The following LRRC69 variants were observed in gnomAD, a reference collection of about 807,000 sequenced individuals.
LRRC69 encodes the protein leucine rich repeat containing 69, also known as leucine-rich repeat-containing protein 69.
Under a neutral mutation model 37.8 loss-of-function variants are expected in LRRC69, and 42 were observed. The ratio of observed to expected loss-of-function variants is 1.11; its 90% CI spans 0.87 to 1.44. The LOEUF (loss-of-function observed/expected upper bound fraction) is 1.44. Ranked by LOEUF, LRRC69 falls within the 40% of genes most tolerant of loss-of-function variation. The pLI, the probability that LRRC69 is intolerant of heterozygous loss-of-function variation, is 0.00. For missense variants in LRRC69, 357 were observed against 401.9 expected, an observed-to-expected ratio of 0.89 and a Z score of 0.96; for synonymous variants, 141 against 143.1, an observed-to-expected ratio of 0.99 and a Z score of 0.11.
At chr8:91,158,485 C>A in intron 5 of LRRC69, 2 of 1,143,224 alleles carry the variant, frequency 1.7e-6, no homozygotes, top group Non-Finnish European at 1.3e-6. Context: ...ACCCACAAGG[C>A]CTCACAATGC....
intron 5 of LRRC69, among the ~76,000 whole-genome samples, chr8:91,179,690 ATAT>A (rs1259446043): frequency 1.3e-5 from 2 of 152,202 alleles, no homozygotes; most frequent in Admixed American, 6.5e-5. Flanking sequence ...TTATTGATAA[ATAT>A]TATTTTTTGG....
At chr8:91,164,201 G>C (rs1808991545) in intron 5 of LRRC69, among the ~76,000 whole-genome samples, 1 of 151,500 alleles carries the variant, frequency 6.6e-6, no homozygotes, top group East Asian at 1.9e-4. Context: ...TTGTAAATTG[G>C]GATTGTGGAG....
chr8:91,190,626 T>G (rs541329938), intron 6 of LRRC69, among the ~76,000 whole-genome samples: 4 of 152,230 alleles, frequency 2.6e-5, no homozygotes, highest in Non-Finnish European at 5.9e-5. Context: ...CAAAACAAAA[T>G]AAAACCAGAC....
intron 5 of LRRC69, among the ~76,000 whole-genome samples, chr8:91,143,140 T>A (rs988759810): frequency 5.3e-5 from 8 of 152,208 alleles, no homozygotes; most frequent in African/African-American, 1.4e-4. Flanking sequence ...CATTTATTCA[T>A]CAGCCAATCT....
At position 91,189,638 on chromosome 8, in the gene LRRC69, C is replaced by T. The variant is rs1242318272; in HGVS notation, c.753+15C>T. 1.4e-6 allele frequency: 2 copies of T among 1,469,536 alleles called. No individual in the cohort carries two copies. The highest frequency in any genetic ancestry group is 2.6e-5 in the South Asian group (2 of 77,646). The allele number at this position is 1,469,536 out of a possible 1,614,324, so 91.0% of individuals were successfully genotyped here. ...GGAGTCTACAGGTGAAGACTTACCT[C>T]ATTAACTTAAGTCTTCAAACTAAAG... On this transcript the variant is annotated intron_variant, in intron 6 of 7. Transcript: ENST00000448384.
Position 91,200,793 on chromosome 8 carries a change from G to A in LRRC69, c.933+1G>A, listed in dbSNP as rs916838784. 11 of 1,527,482 alleles carry A rather than the reference G, an allele frequency of 7.2e-6. No homozygotes were observed. The African/African-American group carries it at 1.5e-4, about 21-fold the overall frequency. 94.6% of individuals were successfully genotyped at this position (1,527,482 alleles called of 1,614,324 possible). A position where few individuals can be genotyped will look rare whatever the true frequency, so the allele number is the denominator to read the frequency against. Reference sequence around the variant, plus strand: ...TGTTCGATTTGTTCCTCCACCAAAGGTAAATGATGCTTTTTATGCGAATAT... The same window carrying A: ...TGTTCGATTTGTTCCTCCACCAAAGATAAATGATGCTTTTTATGCGAATAT... On this transcript the variant is annotated splice_donor_variant, in intron 7 of 7. Transcript: ENST00000448384. LOFTEE classifies it high-confidence loss of function.
At chr8:91,153,114 CA>C (rs1323288008) in intron 5 of LRRC69, among the ~76,000 whole-genome samples, 2 of 150,546 alleles carry the variant, frequency 1.3e-5, no homozygotes, top group Admixed American at 6.6e-5. Context: ...CAACAAAAAT[CA>C]AAAAAGAAAA....
chr8:91,180,337 G>A (rs1586269600), intron 5 of LRRC69, among the ~76,000 whole-genome samples: 1 of 152,196 alleles, frequency 6.6e-6, no homozygotes, highest in Non-Finnish European at 1.5e-5. Flanking sequence ...AACCCCAGAT[G>A]CTTAGCATGT....
chr8:91,136,473 G>A (rs1010925116), intron 5 of LRRC69, among the ~76,000 whole-genome samples: 10 of 151,930 alleles, frequency 6.6e-5, no homozygotes, highest in Non-Finnish European at 1.2e-4. Flanking sequence ...CTATGTTTTA[G>A]AAAAAAGTAT....
chr8:91,102,910 G>T, intron 1 of LRRC69, 66 bp downstream of exon 1: 1 of 1,408,274 alleles, frequency 7.1e-7, no homozygotes, highest in African/African-American at 1.5e-5. Context: ...AGAGAAAAAA[G>T]GGGTAAGAGA....
intron 1 of LRRC69, among the ~76,000 whole-genome samples, chr8:91,108,908 T>A (rs965001877): frequency 1.3e-5 from 2 of 151,908 alleles, no homozygotes; most frequent in African/African-American, 2.4e-5. Flanking sequence ...AGACTTCCCG[T>A]AACTCTTCCT....
chr8:91,147,462 G>A (rs1359026977), intron 5 of LRRC69, among the ~76,000 whole-genome samples: 1 of 150,930 alleles, frequency 6.6e-6, no homozygotes, highest in East Asian at 2.0e-4. Flanking sequence ...TTGAGACGAG[G>A]TCTCACTATT....
chr8:91,157,333 G>T (rs1808854231), intron 5 of LRRC69: 1 of 1,608,510 alleles, frequency 6.2e-7, no homozygotes, highest in Non-Finnish European at 8.5e-7. Flanking sequence ...ATTCACCTAT[G>T]AATGGACTGT....
intron 5 of LRRC69, among the ~76,000 whole-genome samples, chr8:91,176,134 A>ATATATATATATATTTT: frequency 3.6e-4 from 27 of 75,696 alleles, no homozygotes; most frequent in African/African-American, 1.1e-3. Context: ...ATATATATAT[A>ATATATATATATATTTT]TTTTTTTTTT....
chr8:91,102,890 A>T, intron 1 of LRRC69, 46 bp downstream of exon 1: 1 of 1,491,240 alleles, frequency 6.7e-7, no homozygotes, highest in Non-Finnish European at 9.0e-7. Flanking sequence ...TGAAGATGGA[A>T]AACAGGAAGA....
intron 5 of LRRC69, among the ~76,000 whole-genome samples, chr8:91,171,502 T>G (rs1337522949): frequency 6.6e-6 from 1 of 152,048 alleles, no homozygotes; most frequent in Non-Finnish European, 1.5e-5. Flanking sequence ...TTTTACCTCA[T>G]GGGCCAGATA....
chr8:91,107,335 G>T (rs75881465), intron 1 of LRRC69, among the ~76,000 whole-genome samples: 1 of 149,472 alleles, frequency 6.7e-6, no homozygotes, highest in Non-Finnish European at 1.5e-5. Context: ...ACGGGGTTTC[G>T]CCATGTTAGC....
At chr8:91,103,780 G>A (rs1205063432) in intron 1 of LRRC69, among the ~76,000 whole-genome samples, 1 of 151,932 alleles carries the variant, frequency 6.6e-6, no homozygotes, top group Non-Finnish European at 1.5e-5. Flanking sequence ...AATTGCAGAA[G>A]GTATACTTGT....
At chr8:91,213,130 G>T (rs1429922367) in intron 7 of LRRC69, among the ~76,000 whole-genome samples, 1 of 152,104 alleles carries the variant, frequency 6.6e-6, no homozygotes, top group Non-Finnish European at 1.5e-5. Flanking sequence ...GAAATTCAGA[G>T]GATATTGATT....
Sources: allele counts gnomAD v4.1 joint callset (sites outside exome capture counted in the v4.1 genomes callset), GRCh38; gene constraint gnomAD v4.1.1; transcripts MANE v1.5; gene names NCBI Gene and HGNC (gene_info 2026-07-23, HGNC 2026-07-21).